Variants in PPM1E observed in about 807,000 individuals in gnomAD.
The protein encoded by PPM1E is protein phosphatase 1E.
A neutral mutation model predicts 65.9 loss-of-function variants in PPM1E; 20 were observed. That is an observed-to-expected ratio of 0.30 (90% CI 0.21 to 0.44). The LOEUF is 0.44. Ranked by LOEUF, PPM1E falls within the 20% of genes least tolerant of loss-of-function variation. The pLI, the probability that PPM1E is intolerant of heterozygous loss-of-function variation, is 1.00. For synonymous variants in PPM1E, 352 were observed against 374.9 expected (o/e 0.94, Z 0.70); for missense variants, 713 against 953.1 (o/e 0.75, Z 3.32).
At chr17:58,756,561 C>G in intron 1 of PPM1E, 100 bp downstream of exon 1, 4 of 1,208,934 alleles carry the variant, frequency 3.3e-6, no homozygotes, top group Non-Finnish European at 4.2e-6. Flanking sequence ...CTTTTCTGCT[C>G]CTCTCCCCCG....
intron 1 of PPM1E, among the ~76,000 whole-genome samples, chr17:58,914,287 C>T (rs541610447): frequency 8.5e-5 from 13 of 152,202 alleles, no homozygotes; most frequent in Non-Finnish European, 1.9e-4. Flanking sequence ...ACATTCCAGA[C>T]TTACCTTGTA....
At chr17:58,778,949 T>TATAA (rs1279904451) in intron 1 of PPM1E, among the ~76,000 whole-genome samples, 3 of 143,508 alleles carry the variant, frequency 2.1e-5, no homozygotes. Flanking sequence ...TATATATATA[T>TATAA]ATATATATAT....
chr17:58,757,185 A>C (rs2049777149), intron 1 of PPM1E, among the ~76,000 whole-genome samples: 1 of 152,190 alleles, frequency 6.6e-6, no homozygotes, highest in South Asian at 2.1e-4. Context: ...TTTGCAAGCA[A>C]GCCTTCGGGT....
chr17:58,801,749 G>T (rs2050260677), intron 1 of PPM1E, among the ~76,000 whole-genome samples: 2 of 149,132 alleles, frequency 1.3e-5, no homozygotes, highest in South Asian at 2.1e-4. Flanking sequence ...CTCCCCTTCA[G>T]TTTTTTTTTA....
intron 1 of PPM1E, among the ~76,000 whole-genome samples, chr17:58,856,704 G>T (rs1220809549): frequency 7.9e-5 from 12 of 152,138 alleles, no homozygotes; most frequent in Non-Finnish European, 1.5e-5. Context: ...TAGAGAAAAA[G>T]ACCATGTGAA....
intron 1 of PPM1E, among the ~76,000 whole-genome samples, chr17:58,766,842 C>T (rs1220505034): frequency 6.6e-6 from 1 of 152,112 alleles, no homozygotes; most frequent in Non-Finnish European, 1.5e-5. Context: ...TGGTTCAAGG[C>T]AGCTTATAAA....
intron 1 of PPM1E, among the ~76,000 whole-genome samples, chr17:58,823,776 G>C (rs1382956997): frequency 6.6e-6 from 1 of 152,032 alleles, no homozygotes; most frequent in Non-Finnish European, 1.5e-5. Flanking sequence ...TGTTGCCCAG[G>C]CTGGAGTGCA....
intron 1 of PPM1E, among the ~76,000 whole-genome samples, chr17:58,860,019 A>G (rs2050922223): frequency 6.6e-6 from 1 of 152,154 alleles, no homozygotes; most frequent in Non-Finnish European, 1.5e-5. Flanking sequence ...GACCAACTTC[A>G]TTGTTCAATA....
chr17:58,882,951 CTTTTTTTTTTTT>C (rs549698099), intron 1 of PPM1E, among the ~76,000 whole-genome samples: 2 of 98,836 alleles, frequency 2.0e-5, no homozygotes, highest in South Asian at 7.3e-4. Context: ...TTATTACTTT[CTTTTTTTTTTTT>C]TTTTTTTTGA....
At chr17:58,781,895 A>G (rs1322514368) in intron 1 of PPM1E, among the ~76,000 whole-genome samples, 1 of 152,200 alleles carries the variant, frequency 6.6e-6, no homozygotes, top group Non-Finnish European at 1.5e-5. Context: ...CAAAAGAAAA[A>G]AAAAATAAAA....
chr17:58,817,750 A>G (rs746448473), intron 1 of PPM1E, among the ~76,000 whole-genome samples: 51 of 149,240 alleles, frequency 3.4e-4, no homozygotes, highest in Non-Finnish European at 4.9e-4. Flanking sequence ...AAAAGAATAC[A>G]CTCTAGTTTT....
intron 1 of PPM1E, among the ~76,000 whole-genome samples, chr17:58,908,585 G>A (rs890975439): frequency 6.6e-6 from 1 of 151,472 alleles, no homozygotes; most frequent in Non-Finnish European, 1.5e-5. Context: ...GATTATAGAC[G>A]CCCACCACCA....
chr17:58,762,917 AT>A (rs2049837170), intron 1 of PPM1E, among the ~76,000 whole-genome samples: 1 of 141,376 alleles, frequency 7.1e-6, no homozygotes, highest in South Asian at 2.2e-4. Flanking sequence ...AAAAAAAAAA[AT>A]TTGTTTTGGT....
At chr17:58,865,267 G>T (rs1027439439) in intron 1 of PPM1E, among the ~76,000 whole-genome samples, 1 of 152,050 alleles carries the variant, frequency 6.6e-6, no homozygotes, top group Non-Finnish European at 1.5e-5. Flanking sequence ...GGCGCCTGTA[G>T]TCCCAGCTAC....
At chr17:58,850,144 TC>T (rs2050811448) in intron 1 of PPM1E, among the ~76,000 whole-genome samples, 1 of 152,106 alleles carries the variant, frequency 6.6e-6, no homozygotes, top group Non-Finnish European at 1.5e-5. Context: ...TCTTCCTCCA[TC>T]CCTTTATTTT....
intron 4 of PPM1E, among the ~76,000 whole-genome samples, chr17:58,971,438 G>A (rs766551724): frequency 2.0e-5 from 3 of 152,182 alleles, no homozygotes; most frequent in Admixed American, 6.5e-5. Flanking sequence ...TGTCATTTTC[G>A]TATAGTAGGA....
At chr17:58,825,226 A>ACT (rs2050522419) in intron 1 of PPM1E, among the ~76,000 whole-genome samples, 1 of 37,400 alleles carries the variant, frequency 2.7e-5, no homozygotes, top group Admixed American at 3.2e-4. Context: ...ACACACACTC[A>ACT]CACACACACA....
chr17:58,774,171 A>C (rs902375386), intron 1 of PPM1E, among the ~76,000 whole-genome samples: 68 of 132,136 alleles, frequency 5.1e-4, no homozygotes, highest in East Asian at 2.7e-3. Flanking sequence ...CCCCCCCCCC[A>C]AAAAAAACAT....
chr17:58,821,701 A>G (rs1217976250), intron 1 of PPM1E, among the ~76,000 whole-genome samples: 1 of 152,230 alleles, frequency 6.6e-6, no homozygotes, highest in African/African-American at 2.4e-5. Flanking sequence ...AGATGGAAAT[A>G]GAGTAATAAC....
Sources: allele counts gnomAD v4.1 joint callset (sites outside exome capture counted in the v4.1 genomes callset), GRCh38; gene constraint gnomAD v4.1.1; transcripts MANE v1.5; gene names NCBI Gene and HGNC (gene_info 2026-07-23, HGNC 2026-07-21).